PCNX2: variants seen among roughly 807,000 people sequenced by gnomAD.
PCNX2 encodes pecanex-like protein 2.
A neutral mutation model predicts 223.8 loss-of-function variants in PCNX2; 168 were observed. That is an observed-to-expected ratio of 0.75 (90% CI 0.66 to 0.85). The LOEUF is 0.85. Ranked by LOEUF, PCNX2 falls within the 40% of genes least tolerant of loss-of-function variation. PCNX2 has a pLI of 0.00. For missense variants in PCNX2, 2,507 were observed against 2,675.5 expected (o/e 0.94, Z 1.39); for synonymous variants, 1,006 against 1,052.6 (o/e 0.96, Z 0.86).
chr1:233,112,730 ACATATTT>A, intron 21 of PCNX2: 1 of 840,550 alleles, frequency 1.2e-6, no homozygotes. Flanking sequence ...AACTAAATTC[ACATATTT>A]ATTATAGTAT....
chr1:233,026,282 T>G (rs1019807011), intron 25 of PCNX2, among the ~76,000 whole-genome samples: 2 of 152,024 alleles, frequency 1.3e-5, no homozygotes, highest in African/African-American at 4.8e-5. Flanking sequence ...TCCAAGGCCT[T>G]GAGGTGGGAA....
chr1:233,133,404 A>G (rs1676619375), intron 21 of PCNX2, among the ~76,000 whole-genome samples: 2 of 152,246 alleles, frequency 1.3e-5, no homozygotes, highest in Admixed American at 1.3e-4. Context: ...AGAACAGAAC[A>G]GAACTCAGCA....
chr1:233,250,396 C>A (rs1659384100), intron 8 of PCNX2, among the ~76,000 whole-genome samples: 1 of 152,182 alleles, frequency 6.6e-6, no homozygotes, highest in South Asian at 2.1e-4. Flanking sequence ...GAACTAACCA[C>A]ATTTCTAGTC....
At chr1:233,025,422 G>A in intron 25 of PCNX2, 23 bp from the exon 26 acceptor site, 1 of 1,610,544 alleles carries the variant, frequency 6.2e-7, no homozygotes, top group South Asian at 1.1e-5. Context: ...AAACATGAAG[G>A]AAGTTTGAAG....
chr1:233,310,230 T>C, the PCNX2 span, among the ~76,000 whole-genome samples: 5 of 152,138 alleles, frequency 3.3e-5, no homozygotes. Context: ...ATATCTATCA[T>C]CTAGAATTTT....
chr1:233,011,383 A>C lies in PCNX2; in HGVS notation c.4952+3282T>G, dbSNP rs1572008941. Among the ~76,000 whole-genome samples, 3 of 152,306 alleles carry C rather than the reference A, an allele frequency of 2.0e-5. No homozygotes were observed. The South Asian group carries it at 6.2e-4, about 32-fold the overall frequency. On this transcript the variant is annotated intron_variant, in intron 28 of 33. Transcript: ENST00000258229. ...GCTTTAGCAAGCTAGGAAAAGAAGA[A>C]AACTCCCTGCCTTCATAACAGTGGT...
chr1:233,130,155 AG>A (rs1326902451), intron 21 of PCNX2, among the ~76,000 whole-genome samples: 1 of 152,134 alleles, frequency 6.6e-6, no homozygotes, highest in Non-Finnish European at 1.5e-5. Flanking sequence ...ACCAGAAGGA[AG>A]AAACTCCGAA....
chr1:233,293,031 A>G (rs1661862383), intron 1 of PCNX2, among the ~76,000 whole-genome samples: 1 of 152,192 alleles, frequency 6.6e-6, no homozygotes, highest in Non-Finnish European at 1.5e-5. Context: ...AATATCATCA[A>G]AAAGCAAATT....
At position 233,175,500 on chromosome 1, in the gene PCNX2, A is replaced by G. The variant is rs371129655; in HGVS notation, c.3273+2302T>C. ...AATCAGAAAGTAGAAATGCATCTTC[A>G]TTAGTCATGAAATCAAGGAAGATTG... On this transcript the variant is annotated intron_variant, in intron 17 of 33. Transcript: ENST00000258229. Among the ~76,000 whole-genome samples the G allele has an allele frequency of 4.6e-5, 7 of 152,250 alleles. No homozygotes were observed. In the South Asian group the frequency reaches 6.2e-4, roughly 14 times the overall value.
chr1:233,237,307 T>C (rs1227680054), intron 8 of PCNX2, among the ~76,000 whole-genome samples: 1 of 152,122 alleles, frequency 6.6e-6, no homozygotes, highest in East Asian at 1.9e-4. Flanking sequence ...AGCAACAAGT[T>C]CTAGCCTCAT....
At chr1:233,240,786 C>T (rs1258290793) in intron 8 of PCNX2, among the ~76,000 whole-genome samples, 1 of 152,148 alleles carries the variant, frequency 6.6e-6, no homozygotes, top group Non-Finnish European at 1.5e-5. Context: ...GGAGTTGGGC[C>T]TCAAATTGAC....
At chr1:233,106,865 T>C (rs1674819618) in intron 21 of PCNX2, among the ~76,000 whole-genome samples, 1 of 152,176 alleles carries the variant, frequency 6.6e-6, no homozygotes, top group Non-Finnish European at 1.5e-5. Context: ...AACTTACACA[T>C]TGTCCTGAGA....
At chr1:233,178,274 TCCC>T (rs1296854990) in intron 16 of PCNX2, among the ~76,000 whole-genome samples, 4 of 152,184 alleles carry the variant, frequency 2.6e-5, no homozygotes, top group Non-Finnish European at 5.9e-5. Flanking sequence ...AACTTTTGTT[TCCC>T]CCATTTTTCA....
chr1:233,197,438 C>T (rs534609109), intron 15 of PCNX2, among the ~76,000 whole-genome samples: 1 of 152,164 alleles, frequency 6.6e-6, no homozygotes, highest in Admixed American at 6.5e-5. Context: ...AGTACTTTTC[C>T]TAAATGAAGT....
At chr1:233,168,533 A>G (rs1229067700) in intron 17 of PCNX2, among the ~76,000 whole-genome samples, 2 of 152,118 alleles carry the variant, frequency 1.3e-5, no homozygotes, top group Non-Finnish European at 2.9e-5. Context: ...TATCATACAC[A>G]TACAATGCCA....
intron 1 of PCNX2, among the ~76,000 whole-genome samples, chr1:233,277,672 T>A (rs999207631): frequency 4.6e-5 from 7 of 152,158 alleles, no homozygotes; most frequent in Non-Finnish European, 1.0e-4. Context: ...GAACGGGGGC[T>A]GCTGTTGGAG....
At chr1:233,251,354 GGAAAAGCAAGAGA>G (rs1659440989) in intron 7 of PCNX2, among the ~76,000 whole-genome samples, 1 of 152,182 alleles carries the variant, frequency 6.6e-6, no homozygotes, top group Non-Finnish European at 1.5e-5. Context: ...CTGTTAATGA[GGAAAAGCAAGAGA>G]TGGAATTAAT....
Position 233,236,872 on chromosome 1 carries a change from A to G in PCNX2, c.2331T>C (p.Ala777=). 1 of 1,613,946 alleles carries G rather than the reference A, an allele frequency of 6.2e-7. No homozygotes were observed. The highest frequency in any genetic ancestry group is 8.5e-7 in the Non-Finnish European group (1 of 1,179,848). The change falls in exon 9 of 34, where the codon GCT becomes GCC. Residue 777 remains alanine (A), a synonymous_variant. Transcript: ENST00000258229. ...GTGGGGTTTCCGACTGGGTCCTGCGAGCCACCATCAGTAACAGCTGTTGCT... is the reference window on the plus strand; with the variant it reads ...GTGGGGTTTCCGACTGGGTCCTGCGGGCCACCATCAGTAACAGCTGTTGCT... ...ALQQQLLLMV[A]RRTQSETPRH...
At chr1:233,190,547 G>C (rs891485619) in intron 15 of PCNX2, among the ~76,000 whole-genome samples, 3 of 152,134 alleles carry the variant, frequency 2.0e-5, no homozygotes, top group African/African-American at 7.2e-5. Context: ...TTGTTTGTTT[G>C]TTTTTGGTTT....
Sources: gnomAD v4.1 joint callset for allele counts (sites outside exome capture counted in the v4.1 genomes callset) on GRCh38, gnomAD v4.1.1 for gene constraint, MANE v1.5 for transcripts, NCBI Gene and HGNC (gene_info 2026-07-23, HGNC 2026-07-21) for gene names.